The following DNAH8 variants were observed in gnomAD, a reference collection of about 807,000 sequenced individuals.
DNAH8 encodes the protein dynein axonemal heavy chain 8.
In DNAH8, 382 loss-of-function variants were observed where a neutral mutation model predicts 562.1. The observed-to-expected ratio is 0.68, with a 90% CI of 0.63 to 0.74. The LOEUF is 0.74. Ranked by LOEUF, DNAH8 falls within the 30% of genes least tolerant of loss-of-function variation. The pLI, the probability that DNAH8 is intolerant of heterozygous loss-of-function variation, is 0.00. For synonymous variants in DNAH8, 1,881 were observed against 1,919.4 expected, an observed-to-expected ratio of 0.98 and a Z score of 0.52; for missense variants, 5,203 against 5,620.4, an observed-to-expected ratio of 0.93 and a Z score of 2.37.
At chr6:38,722,724 G>A (rs1762856124) in intron 1 of DNAH8, 52 bp from the exon 2 acceptor site, 3 of 1,403,460 alleles carry the variant, frequency 2.1e-6, no homozygotes, top group African/African-American at 2.9e-5. Context: ...TAATAAAAAC[G>A]TACAACACTC....
Position 38,862,415 on chromosome 6 carries a change from C to T in DNAH8, c.6267C>T (p.Cys2089=). Residue 2089 remains cysteine (C), a synonymous_variant, in exon 44 of 93, where the codon TGC becomes TGT. Coordinates refer to ENST00000327475, the MANE Select transcript of DNAH8 (RefSeq NM_001206927.2). ...CLGKYVVVFN[C]SDQMDFRGLG... ...GAAAATATGTGGTCGTGTTCAATTGCTCAGATCAAATGGATTTCAGAGGCC... is the reference window on the plus strand; with the variant it reads ...GAAAATATGTGGTCGTGTTCAATTGTTCAGATCAAATGGATTTCAGAGGCC... The T allele has an allele frequency of 6.2e-7, 1 of 1,614,006 alleles. No individual in the cohort carries two copies. The highest frequency in any genetic ancestry group is 1.1e-5 in the South Asian group (1 of 91,054).
intron 21 of DNAH8, among the ~76,000 whole-genome samples, chr6:38,797,726 C>T (rs1770408537): frequency 1.3e-5 from 2 of 152,146 alleles, no homozygotes; most frequent in Non-Finnish European, 2.9e-5. Flanking sequence ...CTTTGTTTCT[C>T]ACTCTAGTAA....
chr6:38,752,422 C>T (rs527528550), intron 9 of DNAH8, among the ~76,000 whole-genome samples: 1 of 152,366 alleles, frequency 6.6e-6, no homozygotes, highest in Non-Finnish European at 1.5e-5. Flanking sequence ...CCTCCACCTC[C>T]CAAAGTGCTG....
chr6:38,940,448 A>G (rs1383033180), intron 79 of DNAH8, among the ~76,000 whole-genome samples: 1 of 152,186 alleles, frequency 6.6e-6, no homozygotes, highest in Non-Finnish European at 1.5e-5. Context: ...CAGAATCAGA[A>G]TAGGCCAGGT....
rs989468272 is a variant in DNAH8 at position 38,768,003 on chromosome 6, G to A, written c.1618-2410G>A. Among the ~76,000 whole-genome samples the A allele has an allele frequency of 2.0e-5, 3 of 152,160 alleles. No homozygotes were observed. In the South Asian group the frequency reaches 6.2e-4, roughly 32 times the overall value. On this transcript the variant is annotated intron_variant, in intron 11 of 92. Transcript: ENST00000327475. ...TGATAAGAGCCATTCTAATGTGTAT[G>A]GAGTGAAGTGACATCTCATTGTTGT...
Position 38,741,894 on chromosome 6 carries a change from G to C in DNAH8, c.1293+7G>C, listed in dbSNP as rs200322812. The stretch of plus-strand genomic sequence containing the variant: ...ACACTCCAAACTGCTAAAGGTAAAA[G>C]GCTTTTTATTTAAAGTTTGGTATAC... On this transcript the variant is annotated splice_region_variant and intron_variant, in intron 8 of 92. Coordinates refer to ENST00000327475, the MANE Select transcript of DNAH8 (RefSeq NM_001206927.2). 1 of 1,601,086 alleles carries C rather than the reference G, an allele frequency of 6.2e-7. No individual in the cohort carries two copies. Among genetic ancestry groups the C allele is most frequent in the African/African-American group, 1.3e-5 (1 of 74,304 alleles).
Position 38,875,672 on chromosome 6 carries a change from G to A in DNAH8, c.7702G>A (p.Val2568Met). Residue 2568 changes from valine to methionine, a missense_variant, in exon 53 of 93, where the codon GTG becomes ATG. By Grantham distance (21) the Val-to-Met change is conservative. Coordinates refer to ENST00000327475, the MANE Select transcript of DNAH8 (RefSeq NM_001206927.2). ...TGTCGAACATCTTCATAAATTATTTGTGTTTGGCCTAATGTGGAGTTTAGG... is the reference window on the plus strand; with the variant it reads ...TGTCGAACATCTTCATAAATTATTTATGTTTGGCCTAATGTGGAGTTTAGG... ...SCVEHLHKLFVFGLMWSLGAL... is the reference protein window; with the variant it reads ...SCVEHLHKLFMFGLMWSLGAL... 1.2e-6 allele frequency: 2 copies of A among 1,613,810 alleles called. No homozygotes were observed. The highest frequency in any genetic ancestry group is 2.2e-5 in the East Asian group (1 of 44,838).
intron 43 of DNAH8, among the ~76,000 whole-genome samples, chr6:38,861,144 A>G (rs957323084): frequency 1.3e-5 from 2 of 152,334 alleles, no homozygotes; most frequent in South Asian, 2.1e-4. Flanking sequence ...AACATTCAAT[A>G]AATGTTGTTA....
At chr6:38,787,017 AT>A in intron 18 of DNAH8, 65 bp downstream of exon 18, 1 of 919,010 alleles carries the variant, frequency 1.1e-6, no homozygotes, top group Non-Finnish European at 1.6e-6. Context: ...ATATGTATAT[AT>A]ATATATATAT....
At chr6:38,715,949 TA>T (rs1562521052) in intron 1 of DNAH8, among the ~76,000 whole-genome samples, 2 of 25,342 alleles carry the variant, frequency 7.9e-5, no homozygotes, top group African/African-American at 2.5e-4. Flanking sequence ...TATATATATA[TA>T]TATATATATA....
At chr6:38,737,278 T>C (rs1444989671) in intron 6 of DNAH8, 22 bp downstream of exon 6, 2 of 1,356,248 alleles carry the variant, frequency 1.5e-6, no homozygotes, top group Non-Finnish European at 1.9e-6. Context: ...ATTTAATGTT[T>C]AGCAAATTGC....
intron 26 of DNAH8, chr6:38,822,338 A>AAATCTTG (rs1772935330): frequency 6.5e-6 from 1 of 152,914 alleles, no homozygotes; most frequent in South Asian, 2.1e-4. Flanking sequence ...AGGTTTAACA[A>AAATCTTG]GCAGGAAGCC....
chr6:38,903,899 C>T (rs868053308), intron 62 of DNAH8, among the ~76,000 whole-genome samples: 10 of 151,874 alleles, frequency 6.6e-5, no homozygotes, highest in Admixed American at 2.0e-4. Flanking sequence ...CATGAGCCAC[C>T]GCGCCCAGCC....
rs137967997 is a variant in DNAH8 at position 38,804,759 on chromosome 6, A to AAGAGAGAGAGAG, written c.3035-702_3035-691dup. ...GATCCCATGAAAGTGACATAGCAAG[A>AAGAGAGAGAGAG]AGAGAGAGAGAGAGAGAGAGAGAGA... On this transcript the variant is annotated intron_variant, in intron 22 of 92. Transcript: ENST00000327475. 3.9e-3 allele frequency among the ~76,000 whole-genome samples: 435 copies of AAGAGAGAGAGAG among 111,140 alleles called. 6 individuals carry two copies. The highest frequency in any genetic ancestry group is 0.013 in the African/African-American group (405 of 32,266). The allele number at this position is 111,140 out of a possible 152,430, so 72.9% of individuals were successfully genotyped here. A position where few individuals can be genotyped will look rare whatever the true frequency, so the allele number is the denominator to read the frequency against.
At chr6:38,914,945 T>G (rs1781193059) in intron 67 of DNAH8, among the ~76,000 whole-genome samples, 1 of 152,168 alleles carries the variant, frequency 6.6e-6, no homozygotes. Context: ...GTGAAAATAC[T>G]ATTTCTTCTG....
At chr6:38,884,813 C>T (rs967214064) in intron 56 of DNAH8, among the ~76,000 whole-genome samples, 1 of 152,128 alleles carries the variant, frequency 6.6e-6, no homozygotes, top group South Asian at 2.1e-4. Flanking sequence ...TGCCACACAC[C>T]GTGGTTCTAG....
chr6:38,873,552 T>C (rs1438017161), intron 52 of DNAH8, among the ~76,000 whole-genome samples, 176 bp downstream of exon 52: 1 of 152,222 alleles, frequency 6.6e-6, no homozygotes, highest in Non-Finnish European at 1.5e-5. Context: ...ATGATCTTAC[T>C]GTTTTCTCTA....
At chr6:38,922,039 G>T (rs564406438) in intron 71 of DNAH8, among the ~76,000 whole-genome samples, 77 of 75,412 alleles carry the variant, frequency 1.0e-3, no homozygotes, top group Non-Finnish European at 2.4e-3. Context: ...ATCAGTTAAG[G>T]CAGGAACAGG....
intron 26 of DNAH8, among the ~76,000 whole-genome samples, 195 bp downstream of exon 26, chr6:38,815,852 T>C (rs1227523095): frequency 6.6e-6 from 1 of 152,210 alleles, no homozygotes; most frequent in Non-Finnish European, 1.5e-5. Context: ...ACTTTTCTAC[T>C]ATGATGATCT....
Sources: allele counts gnomAD v4.1 joint callset (sites outside exome capture counted in the v4.1 genomes callset), GRCh38; gene constraint gnomAD v4.1.1; transcripts MANE v1.5; gene names NCBI Gene and HGNC (gene_info 2026-07-23, HGNC 2026-07-21).